Variants in TRIM14 observed in about 807,000 individuals in gnomAD.
TRIM14 encodes the protein tripartite motif containing 14.
A neutral mutation model predicts 44.5 loss-of-function variants in TRIM14; 28 were observed. That is an observed-to-expected ratio of 0.63 (90% CI 0.47 to 0.86). The LOEUF is 0.86. Ranked by LOEUF, TRIM14 falls within the 40% of genes least tolerant of loss-of-function variation. The pLI, the probability that TRIM14 is intolerant of heterozygous loss-of-function variation, is 0.00. For missense variants in TRIM14, 607 were observed against 611.1 expected (o/e 0.99, Z 0.07); for synonymous variants, 299 against 269.2 (o/e 1.11, Z -1.08).
At chr9:98,060,801 C>A in the TRIM14 span, 5 of 1,614,162 alleles carry the variant, frequency 3.1e-6, no homozygotes, top group Non-Finnish European at 4.2e-6. Flanking sequence ...GCTGATTGTG[C>A]TAAGTTCCAG....
intron 1 of TRIM14, chr9:98,116,127 C>T (rs1827043306): frequency 6.6e-6 from 1 of 152,030 alleles, no homozygotes; most frequent in Admixed American, 6.6e-5. Context: ...ATGGTGAAGC[C>T]ACATCTCTAC....
the TRIM14 span, among the ~76,000 whole-genome samples, chr9:98,059,960 C>T: frequency 6.6e-6 from 1 of 152,284 alleles, no homozygotes; most frequent in East Asian, 1.9e-4. Context: ...ATGTTCCTGT[C>T]CCTGAGAGGG....
At position 98,087,630 on chromosome 9, in the gene TRIM14, C is replaced by A; in HGVS notation, c.1169G>T (p.Arg390Leu). The change falls in exon 6 of 6, where the codon CGG (arginine) becomes CTG (leucine). Residue 390 changes from arginine (R) to leucine (L), a missense_variant. Around this residue, in one of 3 missense-constraint regions of TRIM14, gnomAD observed 356 missense variants for 323.0 expected, o/e 1.10. Transcript: ENST00000341469. ...SRLRPRDDLD[R>L]LGVFLDYEAG... The stretch of plus-strand genomic sequence containing the variant: ...CTCGTAGTCCAGGAAGACGCCGAGC[C>A]GGTCGAGGTCGTCGCGGGGCCGCAG... 6.2e-7 allele frequency: 1 copy of A among 1,604,652 alleles called. No homozygotes were observed. Among genetic ancestry groups the A allele is most frequent in the Non-Finnish European group, 8.5e-7 (1 of 1,178,432 alleles).
At chr9:98,052,588 A>T in the TRIM14 span, among the ~76,000 whole-genome samples, 2 of 151,878 alleles carry the variant, frequency 1.3e-5, no homozygotes, top group African/African-American at 4.8e-5. Context: ...GCTCACTACA[A>T]CCTCCACCTC....
At chr9:98,115,734 A>G (rs899891063) in intron 1 of TRIM14, among the ~76,000 whole-genome samples, 6 of 152,230 alleles carry the variant, frequency 3.9e-5, no homozygotes, top group Non-Finnish European at 4.4e-5. Context: ...CATAAGTTCA[A>G]TAAGAGTATG....
rs142883585 is a variant in TRIM14, at chr9:98,092,767, G to A, written c.701-766C>T. On this transcript the variant is annotated intron_variant, in intron 4 of 5. Transcript: ENST00000341469. ...TGTTCAAATTGTGTTCAAATTAGGCGAACGCCGAGCTGTAACCAATCCAGC... is the reference window on the plus strand; with the variant it reads ...TGTTCAAATTGTGTTCAAATTAGGCAAACGCCGAGCTGTAACCAATCCAGC... 2.8e-3 allele frequency among the ~76,000 whole-genome samples: 419 copies of A among 152,312 alleles called. 1 individual carries two copies. Among genetic ancestry groups the A allele is most frequent in the Non-Finnish European group, 4.1e-3 (280 of 68,038 alleles).
intron 4 of TRIM14, 151 bp downstream of exon 4, chr9:98,094,716 G>T: frequency 2.5e-6 from 2 of 798,544 alleles, no homozygotes; most frequent in Non-Finnish European, 4.0e-6. Flanking sequence ...GTGAGGGTGG[G>T]TTGGGCACCA....
chr9:98,062,244 G>T, the TRIM14 span, among the ~76,000 whole-genome samples: 1 of 151,772 alleles, frequency 6.6e-6, no homozygotes. Context: ...GGAAACCACA[G>T]TTCTGGAGTC....
At chr9:98,059,394 T>C in the TRIM14 span, among the ~76,000 whole-genome samples, 88 of 152,038 alleles carry the variant, frequency 5.8e-4, no homozygotes, top group African/African-American at 2.0e-3. Context: ...CTTTAGTGGG[T>C]TTTAATTACT....
At chr9:98,078,787 A>G (rs146442116) in intron 6 of TRIM14, among the ~76,000 whole-genome samples, 1 of 145,936 alleles carries the variant, frequency 6.9e-6, no homozygotes, top group African/African-American at 2.6e-5. Context: ...GTGAGCCGAG[A>G]TTGCACCACT....
the TRIM14 span, among the ~76,000 whole-genome samples, chr9:98,059,714 C>G: frequency 6.6e-6 from 1 of 151,796 alleles, no homozygotes; most frequent in Non-Finnish European, 1.5e-5. Flanking sequence ...TGTGCCTGAC[C>G]TCTTGAGTGT....
downstream of TRIM14, chr9:98,081,003 G>C: frequency 1.2e-6 from 2 of 1,614,190 alleles, no homozygotes; most frequent in Non-Finnish European, 1.7e-6. Context: ...GAGCTGGTGC[G>C]GTCAGTGCGT....
At chr9:98,058,137 G>A in the TRIM14 span, among the ~76,000 whole-genome samples, 2 of 151,776 alleles carry the variant, frequency 1.3e-5, no homozygotes, top group Non-Finnish European at 2.9e-5. Flanking sequence ...GGCTGGTCTC[G>A]AACTCCTGAG....
At chr9:98,058,555 A>C in the TRIM14 span, among the ~76,000 whole-genome samples, 1 of 152,184 alleles carries the variant, frequency 6.6e-6, no homozygotes, top group African/African-American at 2.4e-5. Flanking sequence ...CCCACTCTTA[A>C]TTTGAAGGAG....
chr9:98,063,840 G>T, the TRIM14 span, among the ~76,000 whole-genome samples: 1 of 150,394 alleles, frequency 6.6e-6, no homozygotes, highest in African/African-American at 2.4e-5. Flanking sequence ...ACTGCACCCA[G>T]CCTGTTTTTT....
chr9:98,071,824 G>A (rs974522387), intron 6 of TRIM14, among the ~76,000 whole-genome samples: 15 of 152,190 alleles, frequency 9.9e-5, no homozygotes, highest in African/African-American at 3.1e-4. Context: ...TTCTGCTTCC[G>A]TCCACGTTTC....
rs766523895 is a variant in TRIM14, at chr9:98,087,544, C to T, written c.1255G>A (p.Ala419Thr). 1.0e-5 allele frequency: 16 copies of T among 1,595,172 alleles called. No individual in the cohort carries two copies. In the East Asian group the frequency reaches 2.7e-4, roughly 27 times the overall value. Residue 419 changes from alanine to threonine, a missense_variant, in exon 6 of 6, where the codon GCC (alanine) becomes ACC (threonine). Around this residue, in one of 3 missense-constraint regions of TRIM14, gnomAD observed 356 missense variants for 323.0 expected, o/e 1.10. Transcript: ENST00000341469. ...GGMSHLHTFRATFQEPLYPAL... is the reference protein window; with the variant it reads ...GGMSHLHTFRTTFQEPLYPAL... Reference sequence around the variant, plus strand: ...GGGTAGAGCGGCTCCTGGAACGTGGCGCGGAAGGTATGCAGGTGGCTCATG... The same window carrying T: ...GGGTAGAGCGGCTCCTGGAACGTGGTGCGGAAGGTATGCAGGTGGCTCATG...
Position 98,092,001 on chromosome 9 carries a change from C to T in TRIM14, c.701G>A (p.Ser234Asn), listed in dbSNP as rs145652674. 3,256 of 1,604,052 alleles carry T rather than the reference C, an allele frequency of 2.0e-3. 4 individuals carry two copies. Among genetic ancestry groups the T allele is most frequent in the Middle Eastern group, 5.3e-3 (32 of 6,002 alleles). ...QTPLDIRLKE[S>N]INCQLSDPSS... Reference sequence around the variant, plus strand: ...AGGGTCTGAGAGCTGGCAGTTTATGCCTGTAAGGAATTGTTGAGAAATGAG... The same window carrying T: ...AGGGTCTGAGAGCTGGCAGTTTATGTCTGTAAGGAATTGTTGAGAAATGAG... The change falls in exon 5 of 6, where the codon AGC (serine) becomes AAC (asparagine). Residue 234 changes from serine (S) to asparagine (N), a missense_variant and splice_region_variant. By Grantham distance (46) the Ser-to-Asn change is conservative (BLOSUM62 1). Around this residue, in one of 3 missense-constraint regions of TRIM14, gnomAD observed 356 missense variants for 323.0 expected, o/e 1.10. Transcript: ENST00000341469.
intron 2 of TRIM14, among the ~76,000 whole-genome samples, chr9:98,104,130 AT>A (rs1466348614): frequency 5.9e-5 from 9 of 152,352 alleles, no homozygotes; most frequent in East Asian, 1.9e-4. Context: ...AGGCCTATGG[AT>A]TATAGCTTTA....
Sources: allele counts gnomAD v4.1 joint callset (sites outside exome capture counted in the v4.1 genomes callset), GRCh38; gene constraint gnomAD v4.1.1; regional missense constraint gnomAD v4.1.1; transcripts MANE v1.5; gene names NCBI Gene and HGNC (gene_info 2026-07-23, HGNC 2026-07-21).